Variants in SYNPR observed in about 807,000 individuals in gnomAD.
SYNPR encodes the protein synaptoporin.
Under a neutral mutation model 32.9 loss-of-function variants are expected in SYNPR, and 23 were observed. The ratio of observed to expected loss-of-function variants is 0.70; its 90% CI spans 0.50 to 0.99. SYNPR has a LOEUF of 0.99. Ranked by LOEUF, SYNPR falls within the 50% of genes least tolerant of loss-of-function variation. The probability of loss-of-function intolerance (pLI) is 0.00; values close to 1 mark genes in which losing one functional copy is unlikely to be tolerated. For synonymous variants in SYNPR, 146 were observed against 135.9 expected (o/e 1.07, Z -0.52); for missense variants, 318 against 349.3 (o/e 0.91, Z 0.71).
intron 1 of SYNPR, among the ~76,000 whole-genome samples, chr3:63,238,314 T>G (rs1332501245): frequency 6.6e-6 from 1 of 152,128 alleles, no homozygotes; most frequent in East Asian, 1.9e-4. Flanking sequence ...TTCATTTTAA[T>G]GAAAGAAAGA....
At chr3:63,329,224 T>C in intron 2 of SYNPR, among the ~76,000 whole-genome samples, 1 of 152,212 alleles carries the variant, frequency 6.6e-6, no homozygotes, top group East Asian at 1.9e-4. Flanking sequence ...TTATGAGAGT[T>C]TATTATGTAT....
intron 2 of SYNPR, among the ~76,000 whole-genome samples, chr3:63,292,973 G>A (rs145869086): frequency 1.1e-4 from 16 of 152,278 alleles, no homozygotes; most frequent in Admixed American, 3.3e-4. Context: ...GCCTCAGGCC[G>A]TCTGTAGGCT....
At chr3:63,599,426 A>T (rs1313717700) in intron 4 of SYNPR, among the ~76,000 whole-genome samples, 1 of 152,082 alleles carries the variant, frequency 6.6e-6, no homozygotes, top group African/African-American at 2.4e-5. Context: ...TTATGTGTAG[A>T]TGTGTTTACA....
intron 3 of SYNPR, among the ~76,000 whole-genome samples, chr3:63,494,420 T>TATATATATACACAC (rs1491360692): frequency 9.6e-4 from 46 of 48,008 alleles, no homozygotes; most frequent in South Asian, 2.9e-3. Flanking sequence ...TATATATACG[T>TATATATATACACAC]ATATATATAT....
chr3:63,317,772 T>A (rs1489153395), intron 2 of SYNPR, among the ~76,000 whole-genome samples: 1 of 152,062 alleles, frequency 6.6e-6, no homozygotes, highest in Non-Finnish European at 1.5e-5. Context: ...TTCATCATGC[T>A]TTTTGTTACT....
chr3:63,430,097 TG>T (rs1699965701), intron 2 of SYNPR, among the ~76,000 whole-genome samples: 2 of 152,186 alleles, frequency 1.3e-5, no homozygotes, highest in Admixed American at 6.5e-5. Flanking sequence ...AGAGCTAGGT[TG>T]TTGGGAATCT....
intron 3 of SYNPR, among the ~76,000 whole-genome samples, chr3:63,486,915 T>G (rs1314702835): frequency 8.5e-5 from 13 of 152,148 alleles, no homozygotes; most frequent in Admixed American, 8.5e-4. Context: ...TCAGATTTTC[T>G]GAAAATGAGA....
At chr3:63,606,763 G>A (rs1185536532) in intron 4 of SYNPR, among the ~76,000 whole-genome samples, 1 of 152,164 alleles carries the variant, frequency 6.6e-6, no homozygotes, top group African/African-American at 2.4e-5. Flanking sequence ...AGGAAGATCA[G>A]TATTCCATAA....
the SYNPR span, among the ~76,000 whole-genome samples, chr3:63,219,922 A>G: frequency 6.6e-5 from 10 of 152,202 alleles, no homozygotes; most frequent in Non-Finnish European, 1.2e-4. Context: ...ACATCTGCAT[A>G]TAAGTGGATC....
chr3:63,486,500 C>T (rs1230514521), intron 3 of SYNPR, among the ~76,000 whole-genome samples: 1 of 152,298 alleles, frequency 6.6e-6, no homozygotes, highest in East Asian at 1.9e-4. Flanking sequence ...TGTCTCACTT[C>T]TCCACTGCCT....
chr3:63,351,139 A>T (rs979026069), intron 2 of SYNPR, among the ~76,000 whole-genome samples: 1 of 152,208 alleles, frequency 6.6e-6, no homozygotes, highest in African/African-American at 2.4e-5. Flanking sequence ...TGCACTGAAC[A>T]TCTCAGAAGC....
chr3:63,605,787 A>C (rs1700109245), intron 4 of SYNPR, among the ~76,000 whole-genome samples: 1 of 152,238 alleles, frequency 6.6e-6, no homozygotes, highest in Non-Finnish European at 1.5e-5. Flanking sequence ...TGTGGGTCCC[A>C]AGAGATGGGA....
chr3:63,210,358 G>C, the SYNPR span, among the ~76,000 whole-genome samples: 1 of 152,200 alleles, frequency 6.6e-6, no homozygotes, highest in Non-Finnish European at 1.5e-5. Context: ...ACTGGAGTTA[G>C]AACCAATCAG....
Position 63,556,526 on chromosome 3 carries a change from T to C in SYNPR, c.210-17T>C, listed in dbSNP as rs1230639153. 1 of 1,599,538 alleles carries C rather than the reference T, an allele frequency of 6.3e-7. No individual in the cohort carries two copies. Among genetic ancestry groups the C allele is most frequent in the South Asian group, 1.1e-5 (1 of 89,258 alleles). On this transcript the variant is annotated splice_polypyrimidine_tract_variant and intron_variant, in intron 3 of 5. Transcript: ENST00000478300. ...CCATTGCATTTAAAGAATGTCTCCT[T>C]AAATCTGGCAATTTAGGTTGCACCA... is the stretch of plus-strand genomic sequence containing the variant.
At chr3:63,429,084 G>A (rs1699939545) in intron 2 of SYNPR, among the ~76,000 whole-genome samples, 1 of 152,182 alleles carries the variant, frequency 6.6e-6, no homozygotes, top group Non-Finnish European at 1.5e-5. Context: ...TGGCAAGTTA[G>A]GGCTGTGAAA....
chr3:63,316,869 G>T (rs1431677908), intron 2 of SYNPR, among the ~76,000 whole-genome samples: 1 of 151,812 alleles, frequency 6.6e-6, no homozygotes, highest in Non-Finnish European at 1.5e-5. Flanking sequence ...TAGGTGCTTA[G>T]GGCTATGAAC....
chr3:63,321,412 T>G (rs1575597620), intron 2 of SYNPR, among the ~76,000 whole-genome samples: 1 of 152,156 alleles, frequency 6.6e-6, no homozygotes, highest in Non-Finnish European at 1.5e-5. Context: ...AATATTCCCA[T>G]AAAAACTGAT....
At chr3:63,322,846 T>C (rs996213502) in intron 2 of SYNPR, among the ~76,000 whole-genome samples, 2 of 151,916 alleles carry the variant, frequency 1.3e-5, no homozygotes, top group Non-Finnish European at 2.9e-5. Context: ...TCATTGAGAG[T>C]AAAATTTTAT....
chr3:63,541,469 T>G (rs1702301340), intron 3 of SYNPR, among the ~76,000 whole-genome samples: 1 of 152,112 alleles, frequency 6.6e-6, no homozygotes, highest in African/African-American at 2.4e-5. Flanking sequence ...TTCTTTCTAT[T>G]GACCTGAGTT....
Sources: allele counts gnomAD v4.1 joint callset (sites outside exome capture counted in the v4.1 genomes callset), GRCh38; gene constraint gnomAD v4.1.1; transcripts MANE v1.5; gene names NCBI Gene and HGNC (gene_info 2026-07-23, HGNC 2026-07-21).